Variants in GABRG3 observed in about 807,000 individuals in gnomAD.
GABRG3 encodes gamma-aminobutyric acid type A receptor subunit gamma3, also known as gamma-aminobutyric acid receptor subunit gamma-3.
GABRG3 carries 25 observed loss-of-function variants against 48.8 expected under a neutral mutation model. That is an observed-to-expected ratio of 0.51 (90% CI 0.37 to 0.72). GABRG3 has a LOEUF of 0.72. Ranked by LOEUF, GABRG3 falls within the 30% of genes least tolerant of loss-of-function variation. GABRG3 has a pLI of 0.00. For missense variants in GABRG3, 394 were observed against 577.9 expected, an observed-to-expected ratio of 0.68 and a Z score of 3.26; for synonymous variants, 227 against 217.6, an observed-to-expected ratio of 1.04 and a Z score of -0.38.
intron 3 of GABRG3, among the ~76,000 whole-genome samples, chr15:27,246,062 G>C (rs1399333098): frequency 6.6e-6 from 1 of 151,908 alleles, no homozygotes; most frequent in Admixed American, 6.6e-5. Flanking sequence ...CTGCCACGTG[G>C]ACTCATCACT....
At chr15:27,172,036 C>T (rs1013204397) in intron 3 of GABRG3, among the ~76,000 whole-genome samples, 26 of 152,060 alleles carry the variant, frequency 1.7e-4, no homozygotes, top group Admixed American at 7.2e-4. Context: ...ATCAGGAGCT[C>T]GCTCTTGTGA....
intron 5 of GABRG3, chr15:27,364,493 C>G (rs144762279): frequency 1.3e-5 from 2 of 152,138 alleles, no homozygotes; most frequent in African/African-American, 2.4e-5. Context: ...GAGACAGGAC[C>G]GTAAATGGAG....
At chr15:27,154,761 A>T (rs1239100234) in intron 3 of GABRG3, among the ~76,000 whole-genome samples, 1 of 152,164 alleles carries the variant, frequency 6.6e-6, no homozygotes, top group South Asian at 2.1e-4. Flanking sequence ...GTTTATGCAC[A>T]TATATTCATG....
At chr15:27,057,315 T>C (rs1896567143) in intron 3 of GABRG3, among the ~76,000 whole-genome samples, 3 of 152,198 alleles carry the variant, frequency 2.0e-5, no homozygotes, top group Admixed American at 2.0e-4. Flanking sequence ...ATAATTTTTA[T>C]GGGATTAAAA....
At chr15:27,081,283 A>G (rs535619453) in intron 3 of GABRG3, among the ~76,000 whole-genome samples, 1 of 152,158 alleles carries the variant, frequency 6.6e-6, no homozygotes, top group South Asian at 2.1e-4. Context: ...TAGAACTAGG[A>G]TCTTTTAATT....
intron 5 of GABRG3, chr15:27,418,947 A>C (rs114806616): frequency 0.041 from 6,228 of 152,330 alleles, 162 homozygotes; most frequent in Middle Eastern, 0.11. Context: ...GAAGCTAGGC[A>C]GGCTGGCAGC....
rs551157242 is a variant in GABRG3 at position 27,179,953 on chromosome 15, G to T, written c.271-146856G>T. Among the ~76,000 whole-genome samples, 2 of 152,128 alleles carry T rather than the reference G, an allele frequency of 1.3e-5. No individual in the cohort carries two copies. The highest frequency in any genetic ancestry group is 4.8e-5 in the African/African-American group (2 of 41,432). On this transcript the variant is annotated intron_variant, in intron 3 of 9. Coordinates refer to ENST00000615808, the MANE Select transcript of GABRG3 (RefSeq NM_033223.5). The surrounding 1 kb of genome is among the most constrained non-coding windows in gnomAD (Gnocchi z 4.0). ...CATCGCCTCCTAGATGAGGCTGGGC[G>T]TGGCTCTGAAGAGCTGCAGCACTTC...
At chr15:27,099,632 A>G (rs1331375936) in intron 3 of GABRG3, among the ~76,000 whole-genome samples, 1 of 152,152 alleles carries the variant, frequency 6.6e-6, no homozygotes. Context: ...TTCAGCCCCT[A>G]ACATTTATGT....
At chr15:27,210,173 G>A (rs1274467749) in intron 3 of GABRG3, among the ~76,000 whole-genome samples, 1 of 152,204 alleles carries the variant, frequency 6.6e-6, no homozygotes, top group Non-Finnish European at 1.5e-5. Flanking sequence ...GGACCTCCAA[G>A]GGTCGGGTGA....
intron 3 of GABRG3, among the ~76,000 whole-genome samples, chr15:27,101,675 G>A (rs2140365117): frequency 6.6e-6 from 1 of 152,076 alleles, no homozygotes; most frequent in Admixed American, 6.5e-5. Context: ...CAATTCAATG[G>A]AGGAAGAAGG....
chr15:27,227,756 T>G (rs138891097), intron 3 of GABRG3, among the ~76,000 whole-genome samples: 259 of 152,132 alleles, frequency 1.7e-3, no homozygotes, highest in African/African-American at 5.6e-3. Context: ...ATTTTACCCA[T>G]GGAAATAAGG....
chr15:27,269,512 C>T (rs1016154814), intron 3 of GABRG3, among the ~76,000 whole-genome samples: 3 of 152,198 alleles, frequency 2.0e-5, no homozygotes, highest in African/African-American at 7.2e-5. Context: ...CACTTCCCCA[C>T]ACTGTGTTCT....
chr15:27,470,645 A>G (rs1238370469), intron 5 of GABRG3, among the ~76,000 whole-genome samples: 1 of 151,596 alleles, frequency 6.6e-6, no homozygotes, highest in African/African-American at 2.4e-5. Context: ...TTGTGCCTAT[A>G]AATCATTCTT....
intron 3 of GABRG3, among the ~76,000 whole-genome samples, chr15:27,170,373 T>C (rs1040495453): frequency 6.6e-6 from 1 of 152,138 alleles, no homozygotes; most frequent in Non-Finnish European, 1.5e-5. Context: ...GATAAATATA[T>C]ACATATATGT....
In GABRG3 at chr15:27,457,120, T is replaced by C. The variant is rs986219480; in HGVS notation, c.575-23530T>C. Reference sequence around the variant, plus strand: ...AGCAGCTTGACACCAACACGGTGGGTGTGAGTGGAGGGTGGGGAGTTGTAG... The same window carrying C: ...AGCAGCTTGACACCAACACGGTGGGCGTGAGTGGAGGGTGGGGAGTTGTAG... On this transcript the variant is annotated intron_variant, in intron 5 of 9. Coordinates refer to ENST00000615808, the MANE Select transcript of GABRG3 (RefSeq NM_033223.5). The surrounding 1 kb of genome is among the most constrained non-coding windows in gnomAD (Gnocchi z 4.4). Among the ~76,000 whole-genome samples, 8 of 152,014 alleles carry C rather than the reference T, an allele frequency of 5.3e-5. No individual in the cohort carries two copies. The highest frequency in any genetic ancestry group is 1.9e-4 in the African/African-American group (8 of 41,396).
chr15:27,020,756 C>G (rs1019865186), intron 2 of GABRG3, among the ~76,000 whole-genome samples: 1 of 152,070 alleles, frequency 6.6e-6, no homozygotes, highest in African/African-American at 2.4e-5. Context: ...AATGAATGTT[C>G]ATGGTTTCAT....
chr15:26,979,671 A>G (rs1895016479), intron 2 of GABRG3, among the ~76,000 whole-genome samples: 1 of 152,208 alleles, frequency 6.6e-6, no homozygotes, highest in African/African-American at 2.4e-5. Flanking sequence ...GGTGGATTAT[A>G]TTAATTGATT....
chr15:27,006,736 TGTAA>T (rs2140663035), intron 2 of GABRG3, among the ~76,000 whole-genome samples: 1 of 152,350 alleles, frequency 6.6e-6, no homozygotes, highest in East Asian at 1.9e-4. Flanking sequence ...GCTCCTCACT[TGTAA>T]GTGAGAACAT....
chr15:27,006,629 G>C (rs946711261), intron 2 of GABRG3, among the ~76,000 whole-genome samples: 1 of 152,162 alleles, frequency 6.6e-6, no homozygotes, highest in Non-Finnish European at 1.5e-5. Context: ...GTAACCGATA[G>C]GTAGTTTTTT....
Sources: allele counts gnomAD v4.1 joint callset (sites outside exome capture counted in the v4.1 genomes callset), GRCh38; gene constraint gnomAD v4.1.1; non-coding constraint Gnocchi (gnomAD v3.1); transcripts MANE v1.5; gene names NCBI Gene and HGNC (gene_info 2026-07-23, HGNC 2026-07-21).